EFHB: variants seen among roughly 807,000 people sequenced by gnomAD.
The protein encoded by EFHB is EF-hand domain family member B.
Under a neutral mutation model 87.2 loss-of-function variants are expected in EFHB, and 91 were observed. That is an observed-to-expected ratio of 1.04 (90% CI 0.88 to 1.24). EFHB has a LOEUF of 1.24. Ranked by LOEUF, EFHB falls within the 50% of genes most tolerant of loss-of-function variation. EFHB has a pLI of 0.00. For missense variants in EFHB, 1,084 were observed against 998.8 expected, an observed-to-expected ratio of 1.09 and a Z score of -1.15; for synonymous variants, 325 against 333.6, an observed-to-expected ratio of 0.97 and a Z score of 0.28.
At chr3:19,895,847 C>T (rs1037220073) in intron 9 of EFHB, among the ~76,000 whole-genome samples, 1 of 152,182 alleles carries the variant, frequency 6.6e-6, no homozygotes, top group Admixed American at 6.5e-5. Context: ...AAATATGCCA[C>T]GTTTCAATGG....
At chr3:19,885,080 G>C (rs1694050733) in intron 10 of EFHB, among the ~76,000 whole-genome samples, 1 of 151,454 alleles carries the variant, frequency 6.6e-6, no homozygotes, top group African/African-American at 2.4e-5. Context: ...AAGTTAGTCA[G>C]GCATGGTGGC....
Position 19,879,559 on chromosome 3 carries a change from G to A in EFHB, c.*72C>T. ...AACTCTAACATAATATCTAAAACCAGAATGGATTCAACATTTTAGATAAAC... is the reference window on the plus strand; with the variant it reads ...AACTCTAACATAATATCTAAAACCAAAATGGATTCAACATTTTAGATAAAC... On this transcript the variant is annotated 3_prime_UTR_variant, in exon 13 of 13. Coordinates refer to ENST00000295824, the MANE Select transcript of EFHB (RefSeq NM_144715.4). The A allele has an allele frequency of 1.4e-6, 2 of 1,447,756 alleles. No individual in the cohort carries two copies. Among genetic ancestry groups the A allele is most frequent in the Non-Finnish European group, 1.8e-6 (2 of 1,086,712 alleles). The allele number at this position is 1,447,756 out of a possible 1,614,324, so 89.7% of individuals were successfully genotyped here. A position where few individuals can be genotyped will look rare whatever the true frequency, so the allele number is the denominator to read the frequency against.
chr3:19,940,743 A>G (rs1696138536), intron 1 of EFHB: 1 of 342,660 alleles, frequency 2.9e-6, no homozygotes, highest in Non-Finnish European at 5.8e-6. Context: ...ATTGGCATCA[A>G]TATCAAATGT....
At position 19,905,860 on chromosome 3, in the gene EFHB, GA is replaced by G. The variant is rs1198992714; in HGVS notation, c.1289-112del. ...TGAAAATGAGAATGGAACAAAAAAT[GA>G]AATTGTAACAGTGCAGAAACTGCAC... On this transcript the variant is annotated intron_variant, in intron 5 of 12. Coordinates refer to ENST00000295824, the MANE Select transcript of EFHB (RefSeq NM_144715.4). 4 of 1,359,470 alleles carry G rather than the reference GA, an allele frequency of 2.9e-6. No homozygotes were observed. The African/African-American group carries it at 4.4e-5, about 15-fold the overall frequency. The allele number at this position is 1,359,470 out of a possible 1,614,324, so 84.2% of individuals were successfully genotyped here.
chr3:19,936,184 T>A, upstream of EFHB: 1 of 1,200,940 alleles, frequency 8.3e-7, no homozygotes, highest in Non-Finnish European at 1.2e-6. Context: ...AAGAATTGCT[T>A]AACGCCAAGA....
chr3:19,893,198 C>T (rs111717655), intron 9 of EFHB, among the ~76,000 whole-genome samples: 9,586 of 152,116 alleles, frequency 0.063, 956 homozygotes, highest in African/African-American at 0.21. Flanking sequence ...TGATTGGCCT[C>T]CCAAAGTGTT....
chr3:19,892,855 C>CTAAAA (rs202053738), intron 9 of EFHB, among the ~76,000 whole-genome samples: 285 of 136,968 alleles, frequency 2.1e-3, no homozygotes, highest in East Asian at 0.011. Flanking sequence ...AATCTCATCT[C>CTAAAA]TAAAATAAAA....
chr3:19,879,582 A>G lies in EFHB; in HGVS notation c.*49T>C. The G allele has an allele frequency of 1.3e-6, 2 of 1,495,792 alleles. No individual in the cohort carries two copies. Among genetic ancestry groups the G allele is most frequent in the Non-Finnish European group, 1.8e-6 (2 of 1,122,114 alleles). The allele number at this position is 1,495,792 out of a possible 1,614,324, so 92.7% of individuals were successfully genotyped here. A position where few individuals can be genotyped will look rare whatever the true frequency, so the allele number is the denominator to read the frequency against. ...CAGAATGGATTCAACATTTTAGATA[A>G]ACACAGAGTTAATAATTCTTTTGCT... is the stretch of plus-strand genomic sequence containing the variant. On this transcript the variant is annotated 3_prime_UTR_variant, in exon 13 of 13. Coordinates refer to ENST00000295824, the MANE Select transcript of EFHB (RefSeq NM_144715.4).
At chr3:19,881,455 T>A (rs938174051) in intron 12 of EFHB, among the ~76,000 whole-genome samples, 48 of 152,248 alleles carry the variant, frequency 3.2e-4, no homozygotes, top group African/African-American at 1.1e-3. Flanking sequence ...GTTAAAAGGA[T>A]GACTTCCTTT....
rs773453676 is a variant in EFHB at position 19,884,432 on chromosome 3, T to C, written c.2117A>G (p.Asn706Ser). The change falls in exon 11 of 13, where the codon AAT becomes AGT. Residue 706 changes from asparagine (N) to serine (S), a missense_variant. Physicochemically the swap from Asn to Ser is conservative, Grantham distance 46. Coordinates refer to ENST00000295824, the MANE Select transcript of EFHB (RefSeq NM_144715.4). ...AGAAGGAATGGCTCCTACAATTGCA[T>C]TGATCTCAGAAGAAGTTGTCTTATA... ...NYYKTTSSEI[N>S]AIVGAIPSTC... The C allele has an allele frequency of 6.8e-6, 11 of 1,613,674 alleles. No individual in the cohort carries two copies. The highest frequency in any genetic ancestry group is 2.2e-5 in the South Asian group (2 of 91,050).
At chr3:19,933,133 G>A (rs1695885526) in intron 1 of EFHB, 97 bp downstream of exon 1, 1 of 1,371,724 alleles carries the variant, frequency 7.3e-7, no homozygotes, top group Non-Finnish European at 9.7e-7. Flanking sequence ...CTTGTGATTT[G>A]TCTCTTCAAA....
At chr3:19,888,916 C>T (rs1475455163) in intron 9 of EFHB, among the ~76,000 whole-genome samples, 1 of 152,132 alleles carries the variant, frequency 6.6e-6, no homozygotes, top group Non-Finnish European at 1.5e-5. Context: ...TTTTTAATAC[C>T]TTCTGTGTTT....
At chr3:19,903,051 C>T (rs555925351) in intron 6 of EFHB, among the ~76,000 whole-genome samples, 1 of 152,076 alleles carries the variant, frequency 6.6e-6, no homozygotes, top group South Asian at 2.1e-4. Flanking sequence ...GTGGCACACA[C>T]CTGTAATTCC....
At chr3:19,909,135 T>G (rs887391399) in intron 5 of EFHB, among the ~76,000 whole-genome samples, 16 of 147,472 alleles carry the variant, frequency 1.1e-4, no homozygotes, top group Non-Finnish European at 2.1e-4. Flanking sequence ...GATTTTAACT[T>G]CATAGCACTG....
intron 5 of EFHB, among the ~76,000 whole-genome samples, chr3:19,911,081 T>A (rs914772928): frequency 3.3e-5 from 5 of 152,134 alleles, no homozygotes; most frequent in African/African-American, 9.7e-5. Context: ...TAGGAAAATA[T>A]GACCTCACTA....
At chr3:19,908,273 C>T (rs1694906338) in intron 5 of EFHB, among the ~76,000 whole-genome samples, 2 of 152,086 alleles carry the variant, frequency 1.3e-5, no homozygotes, top group Non-Finnish European at 2.9e-5. Flanking sequence ...TGGCTCACGC[C>T]TGTAATCCTA....
At chr3:19,930,039 G>A (rs2929353) in intron 1 of EFHB, among the ~76,000 whole-genome samples, 88,084 of 151,920 alleles carry the variant, frequency 0.58, 26,118 homozygotes, top group Non-Finnish European at 0.64. Flanking sequence ...TGACTCACAG[G>A]TTGCAATAAG....
chr3:19,888,427 C>A lies in EFHB; in HGVS notation c.1933+17G>T. The A allele has an allele frequency of 1.5e-6, 2 of 1,299,802 alleles. No homozygotes were observed. Among genetic ancestry groups the A allele is most frequent in the Non-Finnish European group, 2.0e-6 (2 of 992,782 alleles). The allele number at this position is 1,299,802 out of a possible 1,614,324, so 80.5% of individuals were successfully genotyped here. A position where few individuals can be genotyped will look rare whatever the true frequency, so the allele number is the denominator to read the frequency against. The stretch of plus-strand genomic sequence containing the variant: ...TTAAAAAAATAATAATTCATCAAAC[C>A]TTCAAAAATTAAATACCTTTAATAA... On this transcript the variant is annotated intron_variant, in intron 10 of 12. Transcript: ENST00000295824.
chr3:19,899,139 G>A (rs1575007702), intron 7 of EFHB, among the ~76,000 whole-genome samples: 1 of 152,094 alleles, frequency 6.6e-6, no homozygotes, highest in South Asian at 2.1e-4. Context: ...AGACAGACAG[G>A]AAAGACAAAG....
Sources: allele counts gnomAD v4.1 joint callset (sites outside exome capture counted in the v4.1 genomes callset), GRCh38; gene constraint gnomAD v4.1.1; transcripts MANE v1.5; gene names NCBI Gene and HGNC (gene_info 2026-07-23, HGNC 2026-07-21).